TEAD1: variants seen among roughly 807,000 people sequenced by gnomAD.
The protein encoded by TEAD1 is TEA domain transcription factor 1.
TEAD1 carries 9 observed loss-of-function variants against 54.9 expected under a neutral mutation model. That is an observed-to-expected ratio of 0.16 (90% CI 0.10 to 0.29). TEAD1 has a LOEUF of 0.29. Among genes scored for constraint, TEAD1 ranks in the 10% least tolerant of loss-of-function variants. The probability of loss-of-function intolerance (pLI) is 1.00; values close to 1 mark genes in which losing one functional copy is unlikely to be tolerated. For synonymous variants in TEAD1, 200 were observed against 187.8 expected (o/e 1.07, Z -0.53); for missense variants, 387 against 535.9 (o/e 0.72, Z 2.74).
At chr11:12,808,238 A>G (rs1946219360) in intron 3 of TEAD1, among the ~76,000 whole-genome samples, 1 of 108,140 alleles carries the variant, frequency 9.2e-6, no homozygotes, top group Non-Finnish European at 2.2e-5. Flanking sequence ...TAGACAGGGA[A>G]ATTATAGGTC....
intron 2 of TEAD1, among the ~76,000 whole-genome samples, chr11:12,702,351 C>T (rs1943721532): frequency 6.6e-6 from 1 of 152,198 alleles, no homozygotes. Flanking sequence ...CTCTCTGGCT[C>T]ACTGTCCAGA....
Position 12,738,689 on chromosome 11 carries a change from A to G in TEAD1, c.-54-25490A>G, listed in dbSNP as rs1166527539. On this transcript the variant is annotated intron_variant, in intron 2 of 12. Coordinates refer to ENST00000527636, the MANE Select transcript of TEAD1 (RefSeq NM_021961.6). ...GCTTTTCCTTTCAGTTTCAGATGAA[A>G]AAATCTTTGAATTTTCTGTATTTAC... Among the ~76,000 whole-genome samples, 3 of 152,212 alleles carry G rather than the reference A, an allele frequency of 2.0e-5. No homozygotes were observed. The East Asian group carries it at 5.8e-4, about 29-fold the overall frequency.
intron 2 of TEAD1, among the ~76,000 whole-genome samples, chr11:12,684,046 T>C (rs1446620663): frequency 6.6e-6 from 1 of 152,194 alleles, no homozygotes; most frequent in African/African-American, 2.4e-5. Flanking sequence ...CTTTAAGGAT[T>C]TTCTGCCAAG....
intron 2 of TEAD1, among the ~76,000 whole-genome samples, chr11:12,742,499 TAA>T (rs1388099313): frequency 6.6e-6 from 1 of 152,130 alleles, no homozygotes; most frequent in Non-Finnish European, 1.5e-5. Context: ...TTAGGAGGAA[TAA>T]ATTCTGGTGC....
chr11:12,723,932 C>T (rs553825629), intron 2 of TEAD1, among the ~76,000 whole-genome samples: 16 of 152,156 alleles, frequency 1.1e-4, no homozygotes, highest in Admixed American at 6.5e-4. Context: ...CTGGAATGCT[C>T]GCCATCCTCA....
intron 3 of TEAD1, among the ~76,000 whole-genome samples, chr11:12,783,121 T>C (rs1458671079): frequency 6.7e-6 from 1 of 150,196 alleles, no homozygotes; most frequent in African/African-American, 2.5e-5. Context: ...TGTGTGTGTG[T>C]GTGTGTGTGT....
Position 12,854,520 on chromosome 11 carries a change from C to G in TEAD1, c.203-7730C>G, listed in dbSNP as rs79080271. The stretch of plus-strand genomic sequence containing the variant: ...CTGTGAGAGCACATGTTAGGGTGAT[C>G]TGACCAGTTCTCATGGGTTGGAGTT... On this transcript the variant is annotated intron_variant, in intron 3 of 12. Coordinates refer to ENST00000527636, the MANE Select transcript of TEAD1 (RefSeq NM_021961.6). Among the ~76,000 whole-genome samples, 1,453 of 152,282 alleles carry G rather than the reference C, an allele frequency of 9.5e-3. 21 individuals are homozygous for G. The highest frequency in any genetic ancestry group is 0.034 in the African/African-American group (1,392 of 41,538).
intron 2 of TEAD1, among the ~76,000 whole-genome samples, chr11:12,691,711 T>C (rs1943461296): frequency 6.6e-6 from 1 of 152,228 alleles, no homozygotes; most frequent in East Asian, 1.9e-4. Flanking sequence ...CAGAAGTCTT[T>C]AGTCATTGCC....
Position 12,939,695 on chromosome 11 carries a change from C to CTCA in TEAD1, c.*2474_*2475insCAT, listed in dbSNP as rs1949142386. ...AGTTTTCTGGGTTTCTATGATTGAC[C>CTCA]TTGAGGTTTACTCCTTGCTCTTACA... On this transcript the variant is annotated 3_prime_UTR_variant, in exon 13 of 13. Transcript: ENST00000527636. 1 of 152,274 alleles carries CTCA rather than the reference C, an allele frequency of 6.6e-6. No homozygotes were observed. Among genetic ancestry groups the CTCA allele is most frequent in the Admixed American group, 6.5e-5 (1 of 15,286 alleles). 9.4% of individuals were successfully genotyped at this position (152,274 alleles called of 1,614,324 possible). A position where few individuals can be genotyped will look rare whatever the true frequency, so the allele number is the denominator to read the frequency against.
rs374855142 is a variant in TEAD1 at position 12,764,299 on chromosome 11, G to A, written c.67G>A (p.Ala23Thr). ...AAACATGGAAAGGATGAGTGACTCTGCAGATAAGCCAATTGACAATGATGC... is the reference window on the plus strand; with the variant it reads ...AAACATGGAAAGGATGAGTGACTCTACAGATAAGCCAATTGACAATGATGC... Residue 23 changes from alanine (A) to threonine (T), a missense_variant, in exon 3 of 13, where the codon GCA becomes ACA. Ala to Thr is a moderately conservative substitution (Grantham distance 58). Around this residue, in one of 5 missense-constraint regions of TEAD1, gnomAD observed 55 missense variants for 50.4 expected, o/e 1.09. Coordinates refer to ENST00000527636, the MANE Select transcript of TEAD1 (RefSeq NM_021961.6). The A allele has an allele frequency of 6.2e-7, 1 of 1,614,218 alleles. No homozygotes were observed. Among genetic ancestry groups the A allele is most frequent in the Non-Finnish European group, 8.5e-7 (1 of 1,180,030 alleles).
chr11:12,906,498 C>T (rs1389486911), intron 10 of TEAD1, among the ~76,000 whole-genome samples: 45 of 149,680 alleles, frequency 3.0e-4, no homozygotes, highest in Admixed American at 2.0e-3. Context: ...CCAAAGATCA[C>T]GCCACTGCAC....
At chr11:12,772,629 G>A (rs75916122) in intron 3 of TEAD1, among the ~76,000 whole-genome samples, 5,561 of 152,228 alleles carry the variant, frequency 0.037, 370 homozygotes, top group African/African-American at 0.13. Flanking sequence ...TGAAATTTTT[G>A]TTGAGATACT....
chr11:12,695,662 T>A (rs899401443), intron 2 of TEAD1, among the ~76,000 whole-genome samples: 1 of 152,172 alleles, frequency 6.6e-6, no homozygotes, highest in Non-Finnish European at 1.5e-5. Context: ...TTGCCTTAAG[T>A]GAAATGGACC....
chr11:12,776,498 G>A (rs962793670), intron 3 of TEAD1, among the ~76,000 whole-genome samples: 1 of 152,102 alleles, frequency 6.6e-6, no homozygotes, highest in Non-Finnish European at 1.5e-5. Flanking sequence ...TCTTGTATTT[G>A]TGCTGCCTTT....
chr11:12,730,448 C>T (rs532222778), intron 2 of TEAD1, among the ~76,000 whole-genome samples: 12 of 93,806 alleles, frequency 1.3e-4, no homozygotes, highest in East Asian at 3.5e-4. Flanking sequence ...TTTTTCCTAA[C>T]GGTATTCCAT....
intron 2 of TEAD1, among the ~76,000 whole-genome samples, chr11:12,680,372 G>A (rs1175559854): frequency 1.3e-5 from 2 of 152,212 alleles, no homozygotes. Flanking sequence ...GCTGAGATGC[G>A]GAGAGCCCGC....
At chr11:12,792,979 G>C (rs942534728) in intron 3 of TEAD1, among the ~76,000 whole-genome samples, 1 of 152,032 alleles carries the variant, frequency 6.6e-6, no homozygotes, top group Non-Finnish European at 1.5e-5. Context: ...CTTGAGCCAG[G>C]AGTTTGGGGC....
rs773343520 is a variant in TEAD1 at position 12,937,272 on chromosome 11, T to C, written c.*50T>C. The C allele has an allele frequency of 3.1e-6, 4 of 1,310,158 alleles. No individual in the cohort carries two copies. In the Admixed American group the frequency reaches 5.2e-5, roughly 17 times the overall value. The allele number at this position is 1,310,158 out of a possible 1,614,324, so 81.2% of individuals were successfully genotyped here. A position where few individuals can be genotyped will look rare whatever the true frequency, so the allele number is the denominator to read the frequency against. ...ATCTGTATATACACACACACATATG[T>C]GCACACACACACTCTCTCTCCATTA... On this transcript the variant is annotated 3_prime_UTR_variant, in exon 13 of 13. Transcript: ENST00000527636.
intron 2 of TEAD1, among the ~76,000 whole-genome samples, chr11:12,726,578 A>G (rs973621058): frequency 6.6e-6 from 1 of 152,196 alleles, no homozygotes. Context: ...CACATCATGA[A>G]CAATTTTGGG....
Sources: allele counts gnomAD v4.1 joint callset (sites outside exome capture counted in the v4.1 genomes callset), GRCh38; gene constraint gnomAD v4.1.1; regional missense constraint gnomAD v4.1.1; transcripts MANE v1.5; gene names NCBI Gene and HGNC (gene_info 2026-07-23, HGNC 2026-07-21).